The following MYT1L variants were observed in gnomAD, a reference collection of about 807,000 sequenced individuals.
MYT1L encodes myelin transcription factor 1-like protein.
MYT1L carries 12 observed loss-of-function variants against 126.7 expected under a neutral mutation model. That is an observed-to-expected ratio of 0.09 (90% CI 0.06 to 0.15). MYT1L has a LOEUF of 0.15. Ranked by LOEUF, MYT1L falls within the 10% of genes least tolerant of loss-of-function variation. The pLI, the probability that MYT1L is intolerant of heterozygous loss-of-function variation, is 1.00. For synonymous variants in MYT1L, 541 were observed against 604.2 expected, an observed-to-expected ratio of 0.90 and a Z score of 1.53; for missense variants, 979 against 1,585.2, an observed-to-expected ratio of 0.62 and a Z score of 6.49.
chr2:2,165,288 TCACA>T (rs34958118), intron 3 of MYT1L, among the ~76,000 whole-genome samples: 19 of 148,486 alleles, frequency 1.3e-4, no homozygotes, highest in Non-Finnish European at 2.4e-4. Context: ...CACAAACCAA[TCACA>T]CACACACACA....
chr2:2,042,608 C>G (rs1055539165), intron 4 of MYT1L, among the ~76,000 whole-genome samples: 1 of 152,012 alleles, frequency 6.6e-6, no homozygotes, highest in Non-Finnish European at 1.5e-5. Flanking sequence ...ATGTTGTTAT[C>G]AGGTCTCACC....
chr2:2,297,025 C>G lies in MYT1L; in HGVS notation c.-520-12522G>C, dbSNP rs2095705239. Among the ~76,000 whole-genome samples the G allele has an allele frequency of 2.0e-5, 3 of 152,142 alleles. No homozygotes were observed. The South Asian group carries it at 6.2e-4, about 31-fold the overall frequency. On this transcript the variant is annotated intron_variant, in intron 1 of 24. Coordinates refer to ENST00000647738, the MANE Select transcript of MYT1L (RefSeq NM_001303052.2). Reference sequence around the variant, plus strand: ...GAGGACCTTTCGGGGCCAATTGGAACCACCTGCCTTCCCAGGTTTCTCTGC... The same window carrying G: ...GAGGACCTTTCGGGGCCAATTGGAAGCACCTGCCTTCCCAGGTTTCTCTGC...
chr2:1,995,988 G>A (rs2061802923), intron 5 of MYT1L, among the ~76,000 whole-genome samples: 1 of 152,216 alleles, frequency 6.6e-6, no homozygotes, highest in Non-Finnish European at 1.5e-5. Flanking sequence ...TGGAAGAGGA[G>A]AGGGGGAAAT....
chr2:1,987,321 T>G (rs2061112616), intron 5 of MYT1L, among the ~76,000 whole-genome samples: 1 of 146,208 alleles, frequency 6.8e-6, no homozygotes, highest in African/African-American at 2.7e-5. Flanking sequence ...TTTTTTTTGT[T>G]TTTTTTTTTC....
intron 3 of MYT1L, among the ~76,000 whole-genome samples, chr2:2,104,179 G>A (rs373567687): frequency 6.6e-6 from 1 of 152,332 alleles, no homozygotes; most frequent in African/African-American, 2.4e-5. Flanking sequence ...GTACTAGGCA[G>A]CTGGAAGAAA....
At position 1,929,247 on chromosome 2, in the gene MYT1L, T is replaced by C. The variant is rs901854281; in HGVS notation, c.506-5984A>G. Among the ~76,000 whole-genome samples the C allele has an allele frequency of 8.5e-5, 13 of 152,228 alleles. No individual in the cohort carries two copies. In the East Asian group the frequency reaches 2.5e-3, roughly 30 times the overall value. On this transcript the variant is annotated intron_variant, in intron 9 of 24. Transcript: ENST00000647738. This position sits in a 1 kb window ranked among gnomAD's most constrained non-coding sequence, Gnocchi z 4.7. ...GGCGCTGACCTCGGCGCCCCTCAGC[T>C]GCCGGCAGCACAGGACATGGCCTGG...
intron 4 of MYT1L, among the ~76,000 whole-genome samples, chr2:2,028,468 T>C (rs1168504783): frequency 6.6e-6 from 1 of 152,190 alleles, no homozygotes; most frequent in Non-Finnish European, 1.5e-5. Flanking sequence ...TAGGAATCTA[T>C]GTAGTGGCAG....
intron 19 of MYT1L, among the ~76,000 whole-genome samples, chr2:1,845,072 A>G (rs1380463055): frequency 2.0e-5 from 3 of 150,076 alleles, no homozygotes; most frequent in African/African-American, 7.4e-5. Context: ...TCCGCCTCCC[A>G]GATTCAAACG....
chr2:2,199,845 C>T (rs759365420), intron 2 of MYT1L, among the ~76,000 whole-genome samples: 7 of 152,194 alleles, frequency 4.6e-5, no homozygotes, highest in Non-Finnish European at 5.9e-5. Context: ...CCACTACACA[C>T]AGTACCCCTC....
In MYT1L at chr2:1,912,091, A is replaced by C; in HGVS notation, c.1638T>G (p.Ser546Arg). ...AGCCCGGAGTGGGGCACTTGAGGAC[A>C]CTTTCATGCATGGCAAGGACTTGAC... ...VPPEILAMHE[S>R]VLKCPTPGCT... is the part of the protein sequence containing the mutation. The change falls in exon 12 of 25, where the codon AGT becomes AGG. Residue 546 changes from serine (S) to arginine (R), a missense_variant. Physicochemically the swap from Ser to Arg is moderately radical, Grantham distance 110. Transcript: ENST00000647738. The surrounding 1 kb of genome is among the most constrained non-coding windows in gnomAD (Gnocchi z 4.3). The C allele has an allele frequency of 6.3e-7, 1 of 1,584,048 alleles. No homozygotes were observed. Among genetic ancestry groups the C allele is most frequent in the Non-Finnish European group, 8.6e-7 (1 of 1,159,066 alleles).
chr2:2,051,203 G>A lies in MYT1L; in HGVS notation c.-158+2775C>T, dbSNP rs571933840. ...AAGCCCTTTGTCCTAACATGCAGCT[G>A]TACGTGACAACTGAATAGTATTCCA... is the stretch of plus-strand genomic sequence containing the variant. On this transcript the variant is annotated intron_variant, in intron 4 of 24. Transcript: ENST00000647738. Among the ~76,000 whole-genome samples, 147 of 152,318 alleles carry A rather than the reference G, an allele frequency of 9.7e-4. 2 individuals carry two copies. The South Asian group carries it at 0.03, about 31-fold the overall frequency.
At chr2:1,839,122 C>G (rs369783520) in intron 21 of MYT1L, 27 bp downstream of exon 21, 1 of 1,576,616 alleles carries the variant, frequency 6.3e-7, no homozygotes, top group East Asian at 2.3e-5. Context: ...CCATCCCAGC[C>G]AGGGTCCCGC....
chr2:1,992,467 T>C (rs920894354), intron 5 of MYT1L, among the ~76,000 whole-genome samples: 4 of 152,056 alleles, frequency 2.6e-5, no homozygotes, highest in African/African-American at 9.7e-5. Context: ...TTCCTGTCTA[T>C]CCCCCATGCC....
intron 4 of MYT1L, among the ~76,000 whole-genome samples, chr2:2,049,258 C>A (rs941627206): frequency 6.6e-6 from 1 of 152,162 alleles, no homozygotes; most frequent in Non-Finnish European, 1.5e-5. Context: ...GATTTGGTAG[C>A]AACCTAGCAG....
intron 2 of MYT1L, among the ~76,000 whole-genome samples, chr2:2,256,802 G>C (rs1320350221): frequency 6.6e-6 from 1 of 152,202 alleles, no homozygotes; most frequent in African/African-American, 2.4e-5. Context: ...CACTATGTCA[G>C]CAGTGACAAA....
intron 3 of MYT1L, among the ~76,000 whole-genome samples, chr2:2,055,083 A>C (rs2069334515): frequency 6.6e-6 from 1 of 152,228 alleles, no homozygotes; most frequent in Non-Finnish European, 1.5e-5. Flanking sequence ...TTTTAAGAAA[A>C]TTAATGAAAT....
chr2:2,174,553 C>T (rs557888843), intron 2 of MYT1L, among the ~76,000 whole-genome samples: 3 of 152,244 alleles, frequency 2.0e-5, no homozygotes, highest in South Asian at 2.1e-4. Flanking sequence ...GACGTGACAG[C>T]GCATGTGGAG....
intron 3 of MYT1L, among the ~76,000 whole-genome samples, chr2:2,069,322 G>A (rs1018487985): frequency 3.3e-5 from 5 of 152,126 alleles, no homozygotes; most frequent in African/African-American, 9.7e-5. Context: ...AACATGCGGT[G>A]TTTGGTTTTC....
intron 4 of MYT1L, among the ~76,000 whole-genome samples, chr2:2,046,244 A>G (rs552956534): frequency 8.5e-5 from 13 of 152,332 alleles, no homozygotes; most frequent in African/African-American, 2.9e-4. Context: ...GTATACATAC[A>G]TGCTTTTTAT....
Sources: gnomAD v4.1 joint callset for allele counts (sites outside exome capture counted in the v4.1 genomes callset) on GRCh38, gnomAD v4.1.1 for gene constraint, Gnocchi (gnomAD v3.1) non-coding constraint, MANE v1.5 for transcripts, NCBI Gene and HGNC (gene_info 2026-07-23, HGNC 2026-07-21) for gene names.